LMTK2: variants seen among roughly 807,000 people sequenced by gnomAD.
The protein encoded by LMTK2 is serine/threonine-protein kinase LMTK2.
In LMTK2, 37 loss-of-function variants were observed where a neutral mutation model predicts 127.5. That is an observed-to-expected ratio of 0.29 (90% CI 0.22 to 0.38). The LOEUF (loss-of-function observed/expected upper bound fraction) is 0.38, where lower values mean the gene tolerates loss of function less well. Ranked by LOEUF, LMTK2 falls within the 10% of genes least tolerant of loss-of-function variation. The pLI is 1.00. For synonymous variants in LMTK2, 819 were observed against 810.1 expected (o/e 1.01, Z -0.19); for missense variants, 1,694 against 1,920.3 (o/e 0.88, Z 2.20).
chr7:98,181,250 T>A (rs1584285386), intron 7 of LMTK2, among the ~76,000 whole-genome samples: 1 of 152,166 alleles, frequency 6.6e-6, no homozygotes, highest in East Asian at 1.9e-4. Flanking sequence ...GAACATGCAT[T>A]TTCACATGTC....
intron 9 of LMTK2, among the ~76,000 whole-genome samples, chr7:98,188,106 C>A (rs1003895754): frequency 6.6e-6 from 1 of 152,204 alleles, no homozygotes; most frequent in Non-Finnish European, 1.5e-5. Flanking sequence ...ATTCCTCCTT[C>A]CCAGCCGAAA....
chr7:98,205,477 C>CTA lies in LMTK2; in HGVS notation c.4497_4498insTA (p.Gly1500Ter). On this transcript the variant is annotated frameshift_variant, in exon 14 of 14. Coordinates refer to ENST00000297293, the MANE Select transcript of LMTK2 (RefSeq NM_014916.4). LOFTEE classifies it high-confidence loss of function. Reference sequence around the variant, plus strand: ...TCTCCTCAACAGGAAGCAGCGAAGACGGAGAAAAGGACTAGGTGGCTGCCA... The same window carrying CTA: ...TCTCCTCAACAGGAAGCAGCGAAGACTAGGAGAAAAGGACTAGGTGGCTGCCA... 19 of 1,613,446 alleles carry CTA rather than the reference C, an allele frequency of 1.2e-5. No homozygotes were observed. The highest frequency in any genetic ancestry group is 1.6e-5 in the Non-Finnish European group (19 of 1,180,022).
At chr7:98,150,417 A>T (rs184571744) in intron 3 of LMTK2, among the ~76,000 whole-genome samples, 1 of 152,224 alleles carries the variant, frequency 6.6e-6, no homozygotes, top group Non-Finnish European at 1.5e-5. Context: ...AGACGGAGCA[A>T]CTGGAACCCT....
intron 3 of LMTK2, among the ~76,000 whole-genome samples, chr7:98,143,989 G>A (rs1796733626): frequency 6.6e-6 from 1 of 152,166 alleles, no homozygotes; most frequent in Non-Finnish European, 1.5e-5. Context: ...AAAGATATTT[G>A]TGATATAGTA....
rs144105581 is a variant in LMTK2 at position 98,148,349 on chromosome 7, C to T, written c.377-3033C>T. Among the ~76,000 whole-genome samples the T allele has an allele frequency of 7.9e-3, 1,193 of 151,732 alleles. 17 individuals carry two copies. Among genetic ancestry groups the T allele is most frequent in the African/African-American group, 0.027 (1,112 of 41,372 alleles). On this transcript the variant is annotated intron_variant, in intron 3 of 13. Coordinates refer to ENST00000297293, the MANE Select transcript of LMTK2 (RefSeq NM_014916.4). ...CACCAAAAATACAAAAAAAGTTAGCCGGGCATGGTGGCGCTTGCCTGTAGT... is the reference window on the plus strand; with the variant it reads ...CACCAAAAATACAAAAAAAGTTAGCTGGGCATGGTGGCGCTTGCCTGTAGT...
At position 98,191,695 on chromosome 7, in the gene LMTK2, G is replaced by T; in HGVS notation, c.1230G>T (p.Leu410=). The change falls in exon 11 of 14, where the codon CTG becomes CTT. Residue 410 remains leucine (L), a synonymous_variant. Coordinates refer to ENST00000297293, the MANE Select transcript of LMTK2 (RefSeq NM_014916.4). ...ATGTGCACAGGCTGCTGACTTACCT[G>T]CGGCTGCAGAGCCAGCGGGACTCAG... ...AEDVHRLLTY[L]RLQSQRDSEV... The T allele has an allele frequency of 6.2e-7, 1 of 1,614,198 alleles. No individual in the cohort carries two copies. The highest frequency in any genetic ancestry group is 1.3e-5 in the African/African-American group (1 of 75,052).
chr7:98,140,379 C>T (rs185504648), intron 2 of LMTK2, among the ~76,000 whole-genome samples: 249 of 151,866 alleles, frequency 1.6e-3, no homozygotes, highest in African/African-American at 5.7e-3. Context: ...CTAGAGCTCT[C>T]GGGCTCAAGT....
chr7:98,107,229 C>G lies in LMTK2; in HGVS notation c.52C>G (p.Leu18Val), dbSNP rs780720378. ...GAGGCTGCTGCTGCTGCTGCTGGTC[C>G]TCCTGATCGCCGGCAGTGCTGGGGC... Reference protein sequence around the residue: ...RRRLLLLLLVLLIAGSAGAAP... With the variant: ...RRRLLLLLLVVLIAGSAGAAP... Residue 18 changes from leucine to valine, a missense_variant, in exon 1 of 14, where the codon CTC becomes GTC. Coordinates refer to ENST00000297293, the MANE Select transcript of LMTK2 (RefSeq NM_014916.4). 2 of 1,462,700 alleles carry G rather than the reference C, an allele frequency of 1.4e-6. No individual in the cohort carries two copies. Among genetic ancestry groups the G allele is most frequent in the East Asian group, 3.0e-5 (1 of 33,788 alleles). The allele number at this position is 1,462,700 out of a possible 1,614,324, so 90.6% of individuals were successfully genotyped here.
chr7:98,131,705 A>T (rs1186557046), intron 1 of LMTK2, among the ~76,000 whole-genome samples: 3 of 152,202 alleles, frequency 2.0e-5, no homozygotes, highest in Non-Finnish European at 2.9e-5. Flanking sequence ...AAAAACGTGA[A>T]TTCTTAATTA....
intron 6 of LMTK2, among the ~76,000 whole-genome samples, chr7:98,170,903 G>C (rs1445187783): frequency 6.6e-6 from 1 of 152,136 alleles, no homozygotes; most frequent in African/African-American, 2.4e-5. Context: ...TTATTTTCCT[G>C]CTCAGGTTGC....
intron 1 of LMTK2, among the ~76,000 whole-genome samples, chr7:98,121,909 G>T (rs373719642): frequency 2.2e-4 from 33 of 152,224 alleles, no homozygotes; most frequent in African/African-American, 6.7e-4. Flanking sequence ...AGAGGCTGAG[G>T]TGGGAGGATC....
At chr7:98,190,584 C>T in intron 9 of LMTK2, 144 bp from the exon 10 acceptor site, 1 of 748,642 alleles carries the variant, frequency 1.3e-6, no homozygotes. Context: ...TGTCTTAAAA[C>T]AACAACAACA....
intron 1 of LMTK2, among the ~76,000 whole-genome samples, chr7:98,109,788 T>C (rs1796173590): frequency 6.9e-6 from 1 of 145,974 alleles, no homozygotes; most frequent in Admixed American, 6.9e-5. Context: ...CAATCAGACA[T>C]AGATATTCAG....
chr7:98,168,219 A>G (rs1584275771), intron 6 of LMTK2, among the ~76,000 whole-genome samples: 2 of 152,190 alleles, frequency 1.3e-5, no homozygotes, highest in East Asian at 3.9e-4. Flanking sequence ...GCCAGAGCAG[A>G]GAGAAGAGAT....
chr7:98,135,613 G>T (rs1422167557), intron 1 of LMTK2, among the ~76,000 whole-genome samples: 3 of 152,186 alleles, frequency 2.0e-5, no homozygotes, highest in Non-Finnish European at 4.4e-5. Context: ...TGCTCACTGT[G>T]CCTGCCATAG....
chr7:98,164,537 A>T (rs1562910873), intron 6 of LMTK2, among the ~76,000 whole-genome samples: 1 of 152,250 alleles, frequency 6.6e-6, no homozygotes, highest in Non-Finnish European at 1.5e-5. Flanking sequence ...ATTACCGAGC[A>T]CAAGGAAAAT....
At chr7:98,186,838 A>G in intron 8 of LMTK2, 39 bp from the exon 9 acceptor site, 2 of 1,581,026 alleles carry the variant, frequency 1.3e-6, no homozygotes, top group Non-Finnish European at 1.7e-6. Flanking sequence ...CCAAAAGTAT[A>G]ATTCTATTCA....
intron 9 of LMTK2, among the ~76,000 whole-genome samples, chr7:98,189,295 G>A (rs544569946): frequency 1.3e-5 from 2 of 152,208 alleles, no homozygotes; most frequent in African/African-American, 4.8e-5. Flanking sequence ...CCAGGGATGG[G>A]GTGGTGGAGG....
chr7:98,167,290 T>C (rs2116414084), intron 6 of LMTK2, among the ~76,000 whole-genome samples: 1 of 152,340 alleles, frequency 6.6e-6, no homozygotes, highest in East Asian at 1.9e-4. Flanking sequence ...AATAGGGAAC[T>C]AGACGGAGTC....
Sources: gnomAD v4.1 joint callset for allele counts (sites outside exome capture counted in the v4.1 genomes callset) on GRCh38, gnomAD v4.1.1 for gene constraint, MANE v1.5 for transcripts, NCBI Gene and HGNC (gene_info 2026-07-23, HGNC 2026-07-21) for gene names.